The following TNFSF13B variants were observed in gnomAD, a reference collection of about 807,000 sequenced individuals.
TNFSF13B encodes the protein tumor necrosis factor ligand superfamily member 13B.
TNFSF13B carries 8 observed loss-of-function variants against 29.1 expected under a neutral mutation model. That is an observed-to-expected ratio of 0.27 (90% CI 0.16 to 0.50). The LOEUF is 0.50. Among genes scored for constraint, TNFSF13B ranks in the 20% least tolerant of loss-of-function variants. The pLI is 0.98. For missense variants in TNFSF13B, 248 were observed against 334.9 expected, an observed-to-expected ratio of 0.74 and a Z score of 2.03; for synonymous variants, 125 against 130.8, an observed-to-expected ratio of 0.96 and a Z score of 0.30.
intron 3 of TNFSF13B, among the ~76,000 whole-genome samples, chr13:108,292,179 T>A (rs1265184867): frequency 6.6e-6 from 1 of 152,108 alleles, no homozygotes; most frequent in East Asian, 1.9e-4. Context: ...TTTATGTCTC[T>A]GTGGATTCAC....
intron 3 of TNFSF13B, chr13:108,302,992 G>GA (rs1227594571): frequency 4.1e-6 from 2 of 492,530 alleles, no homozygotes; most frequent in Non-Finnish European, 6.0e-6. Context: ...CCAATAAAGG[G>GA]AAAACCCAGA....
chr13:108,294,450 T>C (rs1374898131), intron 3 of TNFSF13B, among the ~76,000 whole-genome samples: 4 of 152,040 alleles, frequency 2.6e-5, no homozygotes, highest in Non-Finnish European at 4.4e-5. Flanking sequence ...AAAGTGTTAG[T>C]ATTACAGGCG....
At chr13:108,278,588 TCCCCTTCTC>T (rs1880826340) in intron 2 of TNFSF13B, among the ~76,000 whole-genome samples, 1 of 113,286 alleles carries the variant, frequency 8.8e-6, no homozygotes. Flanking sequence ...CTCCTCCTCC[TCCCCTTCTC>T]TTCCTCCTCC....
At chr13:108,279,090 A>G (rs2139046610) in intron 2 of TNFSF13B, among the ~76,000 whole-genome samples, 1 of 151,334 alleles carries the variant, frequency 6.6e-6, no homozygotes, top group East Asian at 2.0e-4. Context: ...TCAAGCAATG[A>G]CTTGATTTAA....
At chr13:108,304,339 A>T (rs1881711284) in intron 5 of TNFSF13B, among the ~76,000 whole-genome samples, 1 of 152,150 alleles carries the variant, frequency 6.6e-6, no homozygotes, top group Non-Finnish European at 1.5e-5. Flanking sequence ...CTTCTTTCTA[A>T]ATAGCCACAA....
intron 2 of TNFSF13B, among the ~76,000 whole-genome samples, chr13:108,281,047 G>C (rs1880938449): frequency 6.6e-6 from 1 of 152,128 alleles, no homozygotes. Context: ...AGGAGTTCGA[G>C]ACCAGCCTGA....
intron 5 of TNFSF13B, among the ~76,000 whole-genome samples, chr13:108,304,923 T>C (rs1007844141): frequency 4.5e-4 from 69 of 152,208 alleles, no homozygotes; most frequent in African/African-American, 1.5e-3. Flanking sequence ...TAGTTTGGAG[T>C]TGCAAAATAT....
intron 3 of TNFSF13B, among the ~76,000 whole-genome samples, chr13:108,298,461 T>C (rs1478528157): frequency 2.7e-5 from 4 of 145,458 alleles, no homozygotes; most frequent in Non-Finnish European, 4.6e-5. Flanking sequence ...GTCATAAATT[T>C]ACATATCTAA....
At chr13:108,293,106 G>T (rs1257581189) in intron 3 of TNFSF13B, among the ~76,000 whole-genome samples, 1 of 152,002 alleles carries the variant, frequency 6.6e-6, no homozygotes, top group Admixed American at 6.6e-5. Flanking sequence ...TATATGGTGT[G>T]AAGCAGAGGT....
intron 2 of TNFSF13B, among the ~76,000 whole-genome samples, chr13:108,270,752 A>G (rs1168553868): frequency 2.0e-5 from 3 of 152,140 alleles, no homozygotes; most frequent in African/African-American, 7.2e-5. Flanking sequence ...CCATGTGAGA[A>G]GCATTATTCA....
chr13:108,277,059 C>CTCATG (rs997647048), intron 2 of TNFSF13B, among the ~76,000 whole-genome samples: 2 of 152,236 alleles, frequency 1.3e-5, no homozygotes, highest in African/African-American at 4.8e-5. Flanking sequence ...GAGGTAGGCA[C>CTCATG]TCCATAATAT....
chr13:108,307,328 A>G lies in TNFSF13B; in HGVS notation c.*390A>G, dbSNP rs560774398. On this transcript the variant is annotated 3_prime_UTR_variant, in exon 6 of 6. Transcript: ENST00000375887. ...AATTTACTATGGAGCAAGTGCCCAC[A>G]TCTCTAGGACATTAAGACATTTATG... 4.2e-5 allele frequency: 7 copies of G among 165,776 alleles called. No individual in the cohort carries two copies. The South Asian group carries it at 1.1e-3, about 26-fold the overall frequency. 10.3% of individuals were successfully genotyped at this position (165,776 alleles called of 1,614,324 possible).
In TNFSF13B at chr13:108,297,616, T is replaced by C. The variant is rs188214262; in HGVS notation, c.482-5637T>C. On this transcript the variant is annotated intron_variant, in intron 3 of 5. Transcript: ENST00000375887. ...CTTAATGTATCCTGGGGGTCTCTTA[T>C]AATCTGTTCACTTTTCTTTTTTCTT... Among the ~76,000 whole-genome samples, 194 of 146,180 alleles carry C rather than the reference T, an allele frequency of 1.3e-3. 27 individuals are homozygous for C. Among genetic ancestry groups the C allele is most frequent in the African/African-American group, 4.8e-3 (187 of 39,070 alleles).
At chr13:108,290,271 T>A (rs1881267948) in intron 3 of TNFSF13B, among the ~76,000 whole-genome samples, 1 of 152,190 alleles carries the variant, frequency 6.6e-6, no homozygotes, top group South Asian at 2.1e-4. Context: ...ATGAATTGAA[T>A]GTATTTAACC....
intron 3 of TNFSF13B, among the ~76,000 whole-genome samples, chr13:108,292,262 A>G (rs1046367806): frequency 2.6e-5 from 4 of 152,052 alleles, no homozygotes; most frequent in African/African-American, 9.7e-5. Context: ...TTCACTTAGC[A>G]TGATGTTTTG....
At chr13:108,294,550 A>AT (rs137949712) in intron 3 of TNFSF13B, among the ~76,000 whole-genome samples, 2,052 of 150,076 alleles carry the variant, frequency 0.014, 50 homozygotes, top group African/African-American at 0.047. Context: ...TTGCATTTGG[A>AT]TTTTTTTTTT....
At chr13:108,271,444 T>TCTCA (rs1880609739) in intron 2 of TNFSF13B, among the ~76,000 whole-genome samples, 1 of 143,002 alleles carries the variant, frequency 7.0e-6, no homozygotes, top group East Asian at 2.1e-4. Context: ...GACCCTTCTA[T>TCTCA]CACACACACA....
intron 2 of TNFSF13B, among the ~76,000 whole-genome samples, chr13:108,285,407 C>A (rs1318953463): frequency 1.3e-5 from 2 of 152,186 alleles, no homozygotes; most frequent in African/African-American, 4.8e-5. Flanking sequence ...AACATCAGAG[C>A]ATACTTACAC....
chr13:108,294,753 T>C (rs1255648054), intron 3 of TNFSF13B, among the ~76,000 whole-genome samples: 1 of 146,414 alleles, frequency 6.8e-6, no homozygotes, highest in Non-Finnish European at 1.5e-5. Flanking sequence ...GGTTCCCTTC[T>C]CTTTTACTGT....
Sources: gnomAD v4.1 joint callset for allele counts (sites outside exome capture counted in the v4.1 genomes callset) on GRCh38, gnomAD v4.1.1 for gene constraint, MANE v1.5 for transcripts, NCBI Gene and HGNC (gene_info 2026-07-23, HGNC 2026-07-21) for gene names.